SYT1: variants seen among roughly 807,000 people sequenced by gnomAD.
SYT1 encodes the protein synaptotagmin 1, also known as synaptotagmin-1.
A neutral mutation model predicts 44.8 loss-of-function variants in SYT1; 8 were observed. The observed-to-expected ratio is 0.18, with a 90% CI of 0.10 to 0.32. The LOEUF (loss-of-function observed/expected upper bound fraction) is 0.32, where lower values mean the gene tolerates loss of function less well. Among genes scored for constraint, SYT1 ranks in the 10% least tolerant of loss-of-function variants. The pLI is 1.00. For synonymous variants in SYT1, 154 were observed against 188.8 expected, an observed-to-expected ratio of 0.82 and a Z score of 1.51; for missense variants, 286 against 509.3, an observed-to-expected ratio of 0.56 and a Z score of 4.22.
intron 3 of SYT1, among the ~76,000 whole-genome samples, chr12:79,093,830 AC>A (rs1394802157): frequency 6.6e-6 from 1 of 151,774 alleles, no homozygotes; most frequent in Non-Finnish European, 1.5e-5. Flanking sequence ...AGTTTTAATT[AC>A]ATATATTAAT....
At chr12:79,182,576 G>A (rs186404637) in intron 3 of SYT1, among the ~76,000 whole-genome samples, 1 of 152,152 alleles carries the variant, frequency 6.6e-6, no homozygotes, top group East Asian at 1.9e-4. Flanking sequence ...GATATGGGTA[G>A]GTCCAGATGA....
chr12:79,121,641 C>T (rs1879605540), intron 3 of SYT1, among the ~76,000 whole-genome samples: 1 of 152,188 alleles, frequency 6.6e-6, no homozygotes, highest in East Asian at 1.9e-4. Context: ...GGTATAAAGT[C>T]AGGCCAGAGA....
chr12:79,313,643 G>A (rs896400419), intron 8 of SYT1, among the ~76,000 whole-genome samples: 1 of 149,596 alleles, frequency 6.7e-6, no homozygotes, highest in Non-Finnish European at 1.5e-5. Context: ...GACCTGCTAA[G>A]CTTAGTCAAT....
At chr12:78,919,710 G>C (rs1042643583) in intron 1 of SYT1, among the ~76,000 whole-genome samples, 1 of 152,008 alleles carries the variant, frequency 6.6e-6, no homozygotes, top group Non-Finnish European at 1.5e-5. Flanking sequence ...GCCTCCAATA[G>C]AAAGGTGTTG....
intron 2 of SYT1, among the ~76,000 whole-genome samples, chr12:79,003,242 T>C (rs1334783173): frequency 6.6e-6 from 1 of 151,978 alleles, no homozygotes; most frequent in East Asian, 1.9e-4. Flanking sequence ...TAAGTGTTTC[T>C]ATCACATGAC....
At chr12:79,134,129 T>C (rs1869031425) in intron 3 of SYT1, among the ~76,000 whole-genome samples, 1 of 152,216 alleles carries the variant, frequency 6.6e-6, no homozygotes, top group Admixed American at 6.5e-5. Context: ...TCAAACCAAA[T>C]CTGCCTTTAC....
chr12:79,219,620 G>A (rs574985202), intron 4 of SYT1, among the ~76,000 whole-genome samples: 2 of 152,096 alleles, frequency 1.3e-5, no homozygotes, highest in African/African-American at 4.8e-5. Flanking sequence ...TCCATTGTGG[G>A]TTCTTGGCTC....
At chr12:78,865,195 T>G (rs1306079764) in intron 1 of SYT1, 86 bp downstream of exon 1, 1 of 152,112 alleles carries the variant, frequency 6.6e-6, no homozygotes, top group African/African-American at 2.4e-5. Flanking sequence ...TCGATACACT[T>G]GGGTTTTAGT....
At chr12:79,127,162 C>T (rs1272514960) in intron 3 of SYT1, among the ~76,000 whole-genome samples, 8 of 152,210 alleles carry the variant, frequency 5.3e-5, no homozygotes, top group African/African-American at 1.9e-4. Flanking sequence ...GTTACTTAAG[C>T]ATAATTTTAG....
intron 1 of SYT1, among the ~76,000 whole-genome samples, chr12:78,899,541 A>G (rs1319675139): frequency 2.0e-5 from 3 of 152,008 alleles, no homozygotes; most frequent in African/African-American, 4.8e-5. Context: ...GTGGGTGGAG[A>G]GAAATACAAT....
At chr12:79,187,938 A>G (rs1164053283) in intron 3 of SYT1, among the ~76,000 whole-genome samples, 1 of 152,146 alleles carries the variant, frequency 6.6e-6, no homozygotes, top group Non-Finnish European at 1.5e-5. Flanking sequence ...TGAATTATTT[A>G]AGGAATATGT....
At chr12:79,408,453 C>T (rs1027718286) in intron 9 of SYT1, among the ~76,000 whole-genome samples, 1 of 152,084 alleles carries the variant, frequency 6.6e-6, no homozygotes, top group Non-Finnish European at 1.5e-5. Flanking sequence ...GAGCAAGGAT[C>T]GGAGATACAG....
At chr12:79,078,229 A>ACT (rs1876793716) in intron 3 of SYT1, among the ~76,000 whole-genome samples, 2 of 152,282 alleles carry the variant, frequency 1.3e-5, no homozygotes, top group African/African-American at 4.8e-5. Context: ...CTTTAGACTT[A>ACT]GAGTTGGGAG....
At chr12:79,386,405 G>T (rs1333319003) in intron 9 of SYT1, among the ~76,000 whole-genome samples, 1 of 151,282 alleles carries the variant, frequency 6.6e-6, no homozygotes, top group Non-Finnish European at 1.5e-5. Flanking sequence ...ACAACGTGCA[G>T]GTTTGTTACA....
intron 1 of SYT1, among the ~76,000 whole-genome samples, chr12:78,901,751 C>T (rs1209940893): frequency 6.6e-6 from 1 of 152,108 alleles, no homozygotes; most frequent in Non-Finnish European, 1.5e-5. Context: ...GAGTGCTTGG[C>T]CTTCACAGTA....
intron 3 of SYT1, among the ~76,000 whole-genome samples, chr12:79,058,921 T>C (rs1875165523): frequency 6.6e-6 from 1 of 152,012 alleles, no homozygotes; most frequent in Non-Finnish European, 1.5e-5. Context: ...TTGCAAAGCT[T>C]GTGATAGAAG....
intron 1 of SYT1, among the ~76,000 whole-genome samples, chr12:78,928,372 G>T (rs1877422377): frequency 1.3e-5 from 2 of 152,106 alleles, no homozygotes; most frequent in Admixed American, 1.3e-4. Context: ...AGTGAAGTAT[G>T]ACAGCAAAGC....
chr12:78,995,307 T>C (rs1463336946), intron 2 of SYT1, among the ~76,000 whole-genome samples: 33 of 152,158 alleles, frequency 2.2e-4, no homozygotes, highest in Admixed American at 2.0e-3. Context: ...TAGAAACCCA[T>C]TGTGGTGATT....
In SYT1 at chr12:79,044,532, A is replaced by AT. The variant is rs368032501; in HGVS notation, c.-83-2757dup. On this transcript the variant is annotated intron_variant, in intron 2 of 10. Coordinates refer to ENST00000261205, the MANE Select transcript of SYT1 (RefSeq NM_005639.3). The stretch of plus-strand genomic sequence containing the variant: ...TTATTCTAGTTATACATTCTTCTAA[A>AT]TTTTTTTTCAAAGTTTTCAACTTCT... 5.0e-3 allele frequency among the ~76,000 whole-genome samples: 621 copies of AT among 124,408 alleles called. 17 individuals are homozygous for AT. Among genetic ancestry groups the AT allele is most frequent in the African/African-American group, 0.019 (575 of 29,964 alleles). The allele number at this position is 124,408 out of a possible 152,430, so 81.6% of individuals were successfully genotyped here. A position where few individuals can be genotyped will look rare whatever the true frequency, so the allele number is the denominator to read the frequency against.
Sources: gnomAD v4.1 joint callset for allele counts (sites outside exome capture counted in the v4.1 genomes callset) on GRCh38, gnomAD v4.1.1 for gene constraint, MANE v1.5 for transcripts, NCBI Gene and HGNC (gene_info 2026-07-23, HGNC 2026-07-21) for gene names.